The following GALNTL6 variants were observed in gnomAD, a reference collection of about 807,000 sequenced individuals.
The protein encoded by GALNTL6 is polypeptide N-acetylgalactosaminyltransferase-like 6.
A neutral mutation model predicts 73.7 loss-of-function variants in GALNTL6; 46 were observed. That is an observed-to-expected ratio of 0.62 (90% CI 0.49 to 0.80). GALNTL6 has a LOEUF of 0.80. Ranked by LOEUF, GALNTL6 falls within the 30% of genes least tolerant of loss-of-function variation. The pLI, the probability that GALNTL6 is intolerant of heterozygous loss-of-function variation, is 0.00. For synonymous variants in GALNTL6, 259 were observed against 263.7 expected, an observed-to-expected ratio of 0.98 and a Z score of 0.17; for missense variants, 604 against 755.0, an observed-to-expected ratio of 0.80 and a Z score of 2.34.
chr4:172,197,653 ATCT>A (rs1345811056), intron 2 of GALNTL6, among the ~76,000 whole-genome samples: 1 of 152,206 alleles, frequency 6.6e-6, no homozygotes, highest in East Asian at 1.9e-4. Context: ...CACACATCTA[ATCT>A]TCTACAAACC....
chr4:172,649,692 GTTAA>G (rs1288525167), intron 5 of GALNTL6, among the ~76,000 whole-genome samples: 1 of 152,042 alleles, frequency 6.6e-6, no homozygotes, highest in Non-Finnish European at 1.5e-5. Flanking sequence ...TATATAATAA[GTTAA>G]TTAAGTACGA....
chr4:172,661,749 G>A (rs1242495744), intron 5 of GALNTL6, among the ~76,000 whole-genome samples: 2 of 152,112 alleles, frequency 1.3e-5, no homozygotes, highest in African/African-American at 2.4e-5. Context: ...AGGACTTTGG[G>A]CACATATCCA....
chr4:172,488,234 A>G (rs1013847116), intron 5 of GALNTL6, among the ~76,000 whole-genome samples: 3 of 152,150 alleles, frequency 2.0e-5, no homozygotes, highest in African/African-American at 7.2e-5. Flanking sequence ...AACAAAGACT[A>G]GTGTGTTTCT....
intron 5 of GALNTL6, among the ~76,000 whole-genome samples, chr4:172,729,205 C>T (rs1736004947): frequency 6.6e-6 from 1 of 151,834 alleles, no homozygotes; most frequent in African/African-American, 2.4e-5. Context: ...TGATTGTTTC[C>T]TTTGTAGTTC....
chr4:172,899,811 TA>T (rs1269505048), intron 8 of GALNTL6, among the ~76,000 whole-genome samples: 2 of 152,182 alleles, frequency 1.3e-5, no homozygotes, highest in African/African-American at 2.4e-5. Context: ...AGGGGTAGAT[TA>T]TTCGCGCCTC....
intron 5 of GALNTL6, among the ~76,000 whole-genome samples, chr4:172,764,529 A>G (rs1003047696): frequency 6.6e-6 from 1 of 152,022 alleles, no homozygotes; most frequent in Non-Finnish European, 1.5e-5. Flanking sequence ...AATAAATATG[A>G]CATAACCTAA....
intron 5 of GALNTL6, among the ~76,000 whole-genome samples, chr4:172,626,850 T>C (rs1739190149): frequency 2.0e-5 from 3 of 152,172 alleles, no homozygotes; most frequent in Admixed American, 2.0e-4. Flanking sequence ...TTTTGTATCT[T>C]GAAACTTTAT....
At chr4:172,731,117 G>GTATA (rs1560911218) in intron 5 of GALNTL6, among the ~76,000 whole-genome samples, 5 of 151,700 alleles carry the variant, frequency 3.3e-5, no homozygotes, top group Non-Finnish European at 5.9e-5. Flanking sequence ...GTTTGAGTAG[G>GTATA]ATTGATATTA....
intron 2 of GALNTL6, among the ~76,000 whole-genome samples, chr4:172,219,810 T>A (rs1232798827): frequency 6.6e-6 from 1 of 152,074 alleles, no homozygotes; most frequent in South Asian, 2.1e-4. Context: ...ACAAATTATA[T>A]TTATGCTAGA....
chr4:172,242,513 G>A (rs1737473601), intron 3 of GALNTL6, among the ~76,000 whole-genome samples: 1 of 152,050 alleles, frequency 6.6e-6, no homozygotes, highest in African/African-American at 2.4e-5. Context: ...TTTTTAAAAA[G>A]CTGGTTTCAA....
chr4:172,463,885 A>G (rs1258216377), intron 5 of GALNTL6, among the ~76,000 whole-genome samples: 2 of 152,220 alleles, frequency 1.3e-5, no homozygotes, highest in African/African-American at 4.8e-5. Context: ...AGTATATATT[A>G]TTAGTTTTCA....
chr4:172,091,671 T>A (rs1579129329), intron 2 of GALNTL6, among the ~76,000 whole-genome samples: 1 of 152,224 alleles, frequency 6.6e-6, no homozygotes, highest in East Asian at 1.9e-4. Flanking sequence ...AAAGAGACTC[T>A]TATTAAACTT....
intron 5 of GALNTL6, among the ~76,000 whole-genome samples, chr4:172,559,276 G>A (rs995885269): frequency 2.6e-5 from 4 of 151,810 alleles, no homozygotes; most frequent in Admixed American, 2.6e-4. Context: ...ATGTTAGCCA[G>A]GATGGTCTTG....
chr4:172,100,153 C>T (rs914406095), intron 2 of GALNTL6, among the ~76,000 whole-genome samples: 1 of 152,102 alleles, frequency 6.6e-6, no homozygotes, highest in African/African-American at 2.4e-5. Flanking sequence ...GGCTCCTTAT[C>T]AGGTAGTTAT....
chr4:171,856,213 C>T (rs1445249547), intron 2 of GALNTL6, among the ~76,000 whole-genome samples: 1 of 151,998 alleles, frequency 6.6e-6, no homozygotes, highest in African/African-American at 2.4e-5. Flanking sequence ...AGTGATTCTT[C>T]CATCTCAGCC....
intron 2 of GALNTL6, among the ~76,000 whole-genome samples, chr4:171,844,818 A>G (rs1735329336): frequency 6.6e-6 from 1 of 152,164 alleles, no homozygotes; most frequent in South Asian, 2.1e-4. Flanking sequence ...ATAACAAGCA[A>G]TTTAGTCAGA....
chr4:172,930,675 A>G lies in GALNTL6; in HGVS notation c.1042-486A>G, dbSNP rs547850171. Reference sequence around the variant, plus strand: ...GGAAACAGGATTTTATTGAACTAGTATTTTAGTTTTGGTTTTGTTTTGTTA... The same window carrying G: ...GGAAACAGGATTTTATTGAACTAGTGTTTTAGTTTTGGTTTTGTTTTGTTA... On this transcript the variant is annotated intron_variant, in intron 8 of 12. Transcript: ENST00000506823. 2.0e-5 allele frequency among the ~76,000 whole-genome samples: 3 copies of G among 152,164 alleles called. No homozygotes were observed. The South Asian group carries it at 6.2e-4, about 32-fold the overall frequency.
intron 5 of GALNTL6, among the ~76,000 whole-genome samples, chr4:172,385,744 A>G (rs1251899026): frequency 6.6e-6 from 1 of 151,950 alleles, no homozygotes; most frequent in African/African-American, 2.4e-5. Flanking sequence ...TTACTTAATT[A>G]CTTAATTGAC....
chr4:172,433,080 C>T (rs1731515554), intron 5 of GALNTL6, among the ~76,000 whole-genome samples: 1 of 152,072 alleles, frequency 6.6e-6, no homozygotes, highest in Non-Finnish European at 1.5e-5. Flanking sequence ...AAGACAGCTT[C>T]TTTGAATGTT....
Sources: allele counts gnomAD v4.1 joint callset (sites outside exome capture counted in the v4.1 genomes callset), GRCh38; gene constraint gnomAD v4.1.1; transcripts MANE v1.5; gene names NCBI Gene and HGNC (gene_info 2026-07-23, HGNC 2026-07-21).